The following CNTNAP1 variants were observed in gnomAD, a reference collection of about 807,000 sequenced individuals.
CNTNAP1 encodes contactin-associated protein 1.
CNTNAP1 carries 80 observed loss-of-function variants against 161.5 expected under a neutral mutation model. That is an observed-to-expected ratio of 0.50 (90% CI 0.41 to 0.60). CNTNAP1 has a LOEUF of 0.60. CNTNAP1 is among the 20% of genes least tolerant of loss of function. CNTNAP1 has a pLI of 0.00. For synonymous variants in CNTNAP1, 695 were observed against 733.1 expected, an observed-to-expected ratio of 0.95 and a Z score of 0.84; for missense variants, 1,464 against 1,854.8, an observed-to-expected ratio of 0.79 and a Z score of 3.87.
At chr17:42,686,646 G>A (rs2053019310) in intron 6 of CNTNAP1, among the ~76,000 whole-genome samples, 1 of 152,250 alleles carries the variant, frequency 6.6e-6, no homozygotes, top group East Asian at 1.9e-4. Flanking sequence ...TAAAGACCCT[G>A]ACCCCATCTG....
chr17:42,693,326 G>A lies in CNTNAP1; in HGVS notation c.2782G>A (p.Val928Met). Reference sequence around the variant, plus strand: ...TGCAGAGCTTAAGAGACGCCCCTTTGTGGGTTGCTTGAGGGCCATGCGTCT... The same window carrying A: ...TGCAGAGCTTAAGAGACGCCCCTTTATGGGTTGCTTGAGGGCCATGCGTCT... ...GSAELKRRPF[V>M]GCLRAMRLNG... The change falls in exon 18 of 24, where the codon GTG (valine) becomes ATG (methionine). Residue 928 changes from valine (V) to methionine (M), a missense_variant. Around this residue, in one of 3 missense-constraint regions of CNTNAP1, gnomAD observed 1,383 missense variants for 1,765.0 expected, o/e 0.78. Transcript: ENST00000264638. The A allele has an allele frequency of 6.2e-7, 1 of 1,614,202 alleles. No individual in the cohort carries two copies. The highest frequency in any genetic ancestry group is 8.5e-7 in the Non-Finnish European group (1 of 1,180,040).
Position 42,684,248 on chromosome 17 carries a change from C to A in CNTNAP1, c.363+19C>A. ...CAACTCGGTACTCTGGGCGCCAAGG[C>A]GGTAACACTTGGGGAGCTTCCTCTG... On this transcript the variant is annotated intron_variant, in intron 3 of 23. Transcript: ENST00000264638. The A allele has an allele frequency of 6.2e-7, 1 of 1,603,602 alleles. No homozygotes were observed. Among genetic ancestry groups the A allele is most frequent in the Non-Finnish European group, 8.5e-7 (1 of 1,173,534 alleles).
intron 18 of CNTNAP1, among the ~76,000 whole-genome samples, chr17:42,695,219 A>C (rs2053136515): frequency 6.6e-6 from 1 of 152,168 alleles, no homozygotes; most frequent in South Asian, 2.1e-4. Context: ...AAGTGCTGGG[A>C]TTACAGGTGT....
chr17:42,686,764 T>A, intron 6 of CNTNAP1, 139 bp from the exon 7 acceptor site: 1 of 1,032,230 alleles, frequency 9.7e-7, no homozygotes, highest in Middle Eastern at 3.2e-4. Context: ...CGAGCTTTAG[T>A]ACCGACACTG....
In CNTNAP1 at chr17:42,685,262, G is replaced by A. The variant is rs1281226815; in HGVS notation, c.557G>A (p.Arg186His). ...GACGGCGACGATGCCATCTCCTACC[G>A]CTTCCCGCGAGGGGTCAGCCGAAGC... Reference protein sequence around the residue: ...YFDGDDAISYRFPRGVSRSLW... With the variant: ...YFDGDDAISYHFPRGVSRSLW... Residue 186 changes from arginine to histidine, a missense_variant, in exon 5 of 24, where the codon CGC becomes CAC. Arg to His is a conservative substitution (Grantham distance 29). Coordinates refer to ENST00000264638, the MANE Select transcript of CNTNAP1 (RefSeq NM_003632.3). The surrounding 1 kb of genome is among the most constrained non-coding windows in gnomAD (Gnocchi z 5.0). 1 of 1,613,622 alleles carries A rather than the reference G, an allele frequency of 6.2e-7. No homozygotes were observed. The highest frequency in any genetic ancestry group is 1.3e-5 in the African/African-American group (1 of 74,948).
Position 42,698,739 on chromosome 17 carries a change from T to C in CNTNAP1, c.3984T>C (p.Pro1328=), listed in dbSNP as rs781176128. 1.2e-6 allele frequency: 2 copies of C among 1,613,524 alleles called. No individual in the cohort carries two copies. Among genetic ancestry groups the C allele is most frequent in the Non-Finnish European group, 1.7e-6 (2 of 1,179,916 alleles). Residue 1328 remains proline (P), a synonymous_variant, in exon 24 of 24, where the codon CCT becomes CCC. Transcript: ENST00000264638. ...NEPKAAHEYH[P]GSKPPLPTSG... ...CCAAGGCTGCCCACGAGTACCATCC[T>C]GGCAGCAAACCTCCCCTACCCACTT... is the stretch of plus-strand genomic sequence containing the variant.
At chr17:42,688,678 G>C in intron 9 of CNTNAP1, 67 bp downstream of exon 9, 3 of 1,606,018 alleles carry the variant, frequency 1.9e-6, no homozygotes, top group Non-Finnish European at 2.6e-6. Flanking sequence ...AGTCCACCCA[G>C]ATGGGGCCAC....
At chr17:42,692,832 C>T (rs2053106652) in intron 17 of CNTNAP1, 112 bp downstream of exon 17, 2 of 877,314 alleles carry the variant, frequency 2.3e-6, no homozygotes, top group South Asian at 3.5e-5. Flanking sequence ...CCCTCTGCTT[C>T]AGAGCAAGCC....
chr17:42,682,646 G>A lies in CNTNAP1; in HGVS notation c.-184G>A. 2 of 619,408 alleles carry A rather than the reference G, an allele frequency of 3.2e-6. No individual in the cohort carries two copies. The highest frequency in any genetic ancestry group is 5.8e-6 in the Non-Finnish European group (2 of 347,568). 38.4% of individuals were successfully genotyped at this position (619,408 alleles called of 1,614,324 possible). A position where few individuals can be genotyped will look rare whatever the true frequency, so the allele number is the denominator to read the frequency against. The stretch of plus-strand genomic sequence containing the variant: ...GAGGACCAGGAACCAGAGAGAGAGA[G>A]AGAGAAAAGAGAGAGGAGAGACAGA... On this transcript the variant is annotated 5_prime_UTR_variant, in exon 1 of 24. Coordinates refer to ENST00000264638, the MANE Select transcript of CNTNAP1 (RefSeq NM_003632.3).
At position 42,690,192 on chromosome 17, in the gene CNTNAP1, T is replaced by C. The variant is rs758134032; in HGVS notation, c.1840T>C (p.Tyr614His). 1.2e-6 allele frequency: 2 copies of C among 1,613,986 alleles called. No homozygotes were observed. Among genetic ancestry groups the C allele is most frequent in the East Asian group, 2.2e-5 (1 of 44,870 alleles). ...TGGCCCCCTGAAGCCATTTGTAGTGTACTGTGATATCCGAGGTAAGTGTCT... is the reference window on the plus strand; with the variant it reads ...TGGCCCCCTGAAGCCATTTGTAGTGCACTGTGATATCCGAGGTAAGTGTCT... Reference protein sequence around the residue: ...GSGPLKPFVVYCDIRENRAWT... With the variant: ...GSGPLKPFVVHCDIRENRAWT... Residue 614 changes from tyrosine (Y) to histidine (H), a missense_variant, in exon 12 of 24, where the codon TAC becomes CAC. Physicochemically the swap from Tyr to His is moderately conservative, Grantham distance 83. This residue lies in a region of CNTNAP1 where 1,383 missense variants were observed against 1,765.0 expected (regional missense o/e 0.78). Coordinates refer to ENST00000264638, the MANE Select transcript of CNTNAP1 (RefSeq NM_003632.3).
chr17:42,690,024 G>A, intron 11 of CNTNAP1, 64 bp from the exon 12 acceptor site: 7 of 1,591,296 alleles, frequency 4.4e-6, no homozygotes, highest in Non-Finnish European at 6.0e-6. Context: ...ACAGGCCCGA[G>A]CCGCCGCACC....
intron 18 of CNTNAP1, among the ~76,000 whole-genome samples, chr17:42,694,972 G>A (rs1330110918): frequency 1.3e-5 from 2 of 151,996 alleles, no homozygotes; most frequent in Non-Finnish European, 2.9e-5. Flanking sequence ...ATGGGGTCAG[G>A]ATATCCCCAT....
Position 42,690,902 on chromosome 17 carries a change from C to T in CNTNAP1, c.2019C>T (p.Ile673=), listed in dbSNP as rs753292452. The change falls in exon 13 of 24, where the codon ATC becomes ATT. Residue 673 remains isoleucine (I), a synonymous_variant. Transcript: ENST00000264638. ...CTTCCCAGCATTGTGAACAGTGGATCGAGTTCTCCTGCTACAATTCCCGGC... is the reference window on the plus strand; with the variant it reads ...CTTCCCAGCATTGTGAACAGTGGATTGAGTTCTCCTGCTACAATTCCCGGC... ...ANASQHCEQW[I]EFSCYNSRLL... 6 of 1,614,046 alleles carry T rather than the reference C, an allele frequency of 3.7e-6. No homozygotes were observed. The highest frequency in any genetic ancestry group is 3.3e-5 in the South Asian group (3 of 91,086).
intron 8 of CNTNAP1, 145 bp from the exon 9 acceptor site, chr17:42,688,317 G>T: frequency 9.4e-7 from 1 of 1,061,142 alleles, no homozygotes; most frequent in Non-Finnish European, 1.4e-6. Context: ...ATTCAGAGAG[G>T]TCTCCACTGG....
At position 42,685,941 on chromosome 17, in the gene CNTNAP1, C is replaced by T. The variant is rs369854764; in HGVS notation, c.716-16C>T. ...CTCCTGGCTTGAGGTTTCACTCTGT[C>T]CTGCCCCACCCTCAGGCAGCAGCCC... is the stretch of plus-strand genomic sequence containing the variant. On this transcript the variant is annotated splice_polypyrimidine_tract_variant and intron_variant, in intron 5 of 23. Coordinates refer to ENST00000264638, the MANE Select transcript of CNTNAP1 (RefSeq NM_003632.3). The surrounding 1 kb of genome is among the most constrained non-coding windows in gnomAD (Gnocchi z 5.0). The T allele has an allele frequency of 9.9e-6, 16 of 1,613,378 alleles. No individual in the cohort carries two copies. In the African/African-American group the frequency reaches 2.0e-4, roughly 20 times the overall value.
At chr17:42,683,045 G>T in intron 1 of CNTNAP1, 149 bp downstream of exon 1, 2 of 770,022 alleles carry the variant, frequency 2.6e-6, no homozygotes, top group Admixed American at 5.8e-5. Flanking sequence ...CCTCTCCCCC[G>T]CGCTCCGCAT....
chr17:42,699,034 A>G lies in CNTNAP1; in HGVS notation c.*124A>G. 1.5e-6 allele frequency: 1 copy of G among 689,004 alleles called. No individual in the cohort carries two copies. The highest frequency in any genetic ancestry group is 2.2e-6 in the Non-Finnish European group (1 of 454,236). 42.7% of individuals were successfully genotyped at this position (689,004 alleles called of 1,614,324 possible). Reference sequence around the variant, plus strand: ...CTGCTCATCCAGAGGATATTCCCCCATCCCCCCCCCATCAAGTTTGGTGGG... The same window carrying G: ...CTGCTCATCCAGAGGATATTCCCCCGTCCCCCCCCCATCAAGTTTGGTGGG... On this transcript the variant is annotated 3_prime_UTR_variant, in exon 24 of 24. Coordinates refer to ENST00000264638, the MANE Select transcript of CNTNAP1 (RefSeq NM_003632.3).
At position 42,683,913 on chromosome 17, in the gene CNTNAP1, A is replaced by G. The variant is rs750743028; in HGVS notation, c.160A>G (p.Arg54Gly). The change falls in exon 2 of 24, where the codon AGG becomes GGG. Residue 54 changes from arginine (R) to glycine (G), a missense_variant. Around this residue, in one of 3 missense-constraint regions of CNTNAP1, gnomAD observed 77 missense variants for 73.6 expected, o/e 1.05. Coordinates refer to ENST00000264638, the MANE Select transcript of CNTNAP1 (RefSeq NM_003632.3). ...TCTCCTTACTGCGCCGAGATTCGCC[A>G]GGCTGCACGGTGAGCTCCGCGGAAC... ...YSLLTAPRFA[R>G]LHGISGWSPR... 5 of 1,613,754 alleles carry G rather than the reference A, an allele frequency of 3.1e-6. No homozygotes were observed. The highest frequency in any genetic ancestry group is 1.3e-5 in the African/African-American group (1 of 74,906).
At chr17:42,689,478 C>A in intron 10 of CNTNAP1, 43 bp from the exon 11 acceptor site, 1 of 1,499,762 alleles carries the variant, frequency 6.7e-7, no homozygotes, top group Non-Finnish European at 9.2e-7. Flanking sequence ...CACTCTCCAG[C>A]TCCCAGTAAG....
Sources: allele counts gnomAD v4.1 joint callset (sites outside exome capture counted in the v4.1 genomes callset), GRCh38; gene constraint gnomAD v4.1.1; regional missense constraint gnomAD v4.1.1; non-coding constraint Gnocchi (gnomAD v3.1); transcripts MANE v1.5; gene names NCBI Gene and HGNC (gene_info 2026-07-23, HGNC 2026-07-21).